PRB4: variants seen among roughly 807,000 people sequenced by gnomAD.
PRB4 encodes the protein basic salivary proline-rich protein 4.
PRB4 carries 14 observed loss-of-function variants against 9.1 expected under a neutral mutation model. The ratio of observed to expected loss-of-function variants is 1.54; its 90% CI spans 1.02 to 2.41. The LOEUF (loss-of-function observed/expected upper bound fraction) is 2.41, where lower values mean the gene tolerates loss of function less well. Ranked by LOEUF, PRB4 falls within the 30% of genes most tolerant of loss-of-function variation. PRB4 has a pLI of 0.00. For synonymous variants in PRB4, 102 were observed against 108.5 expected (o/e 0.94, Z 0.37); for missense variants, 381 against 299.3 (o/e 1.27, Z -2.02).
chr12:11,309,865 G>A (rs568369502), intron 1 of PRB4, among the ~76,000 whole-genome samples: 11 of 152,206 alleles, frequency 7.2e-5, no homozygotes, highest in African/African-American at 2.6e-4. Context: ...TGTAATGATT[G>A]GCTCTGATAT....
chr12:11,307,287 AG>A (rs1862935654), intron 3 of PRB4, 88 bp from the exon 4 acceptor site: 1 of 152,650 alleles, frequency 6.6e-6, no homozygotes, highest in African/African-American at 2.4e-5. Context: ...TAGAAGATGA[AG>A]AGAAAAGACC....
chr12:11,310,158 A>G (rs1456821713), intron 1 of PRB4, among the ~76,000 whole-genome samples, 177 bp downstream of exon 1: 1 of 152,218 alleles, frequency 6.6e-6, no homozygotes, highest in Non-Finnish European at 1.5e-5. Flanking sequence ...ATTTCATTGT[A>G]CATTAAATAA....
chr12:11,309,396 T>A lies in PRB4; in HGVS notation c.74A>T (p.Gln25Leu). 6.2e-7 allele frequency: 1 copy of A among 1,614,176 alleles called. No individual in the cohort carries two copies. Among genetic ancestry groups the A allele is most frequent in the South Asian group, 1.1e-5 (1 of 91,080 alleles). ...TGATATTAGGAAGAGAGATTCTTCCTGGCTGACATCTAGAAGAGAAGCACA... is the reference window on the plus strand; with the variant it reads ...TGATATTAGGAAGAGAGATTCTTCCAGGCTGACATCTAGAAGAGAAGCACA... ...SAESSSEDVSQEESLFLISGK... is the reference protein window; with the variant it reads ...SAESSSEDVSLEESLFLISGK... Residue 25 changes from glutamine to leucine, a missense_variant, in exon 2 of 4, where the codon CAG becomes CTG. By Grantham distance (113) the Gln-to-Leu change is moderately radical. This residue lies in a region of PRB4 where 151 missense variants were observed against 105.8 expected (regional missense o/e 1.43). Transcript: ENST00000279575.
chr12:11,308,945 G>T (rs879076075), intron 2 of PRB4, 63 bp from the exon 3 acceptor site: 8 of 1,572,718 alleles, frequency 5.1e-6, no homozygotes, highest in Admixed American at 5.0e-5. Flanking sequence ...TACAGTAATG[G>T]AGCTAAATGG....
Position 11,308,842 on chromosome 12 carries a change from G to T in PRB4, c.141C>A (p.Pro47=). 4 of 1,589,898 alleles carry T rather than the reference G, an allele frequency of 2.5e-6. No homozygotes were observed. The highest frequency in any genetic ancestry group is 3.4e-6 in the Non-Finnish European group (4 of 1,164,710). The change falls in exon 3 of 4, where the codon CCC becomes CCA. Residue 47 remains proline, a synonymous_variant. Coordinates refer to ENST00000279575, the MANE Select transcript of PRB4 (RefSeq NM_002723.6). ...TTCCTGGAGGAGGTGGGGGACGTTGGGGCTGGTTTCCTCCTTGTGGGCGTC... is the reference window on the plus strand; with the variant it reads ...TTCCTGGAGGAGGTGGGGGACGTTGTGGCTGGTTTCCTCCTTGTGGGCGTC... ...EGRRPQGGNQ[P]QRPPPPPGKP...
In PRB4 at chr12:11,308,310, G is replaced by A. The variant is rs778133649; in HGVS notation, c.673C>T (p.Gln225Ter). 2 of 1,610,362 alleles carry A rather than the reference G, an allele frequency of 1.2e-6. No individual in the cohort carries two copies. The highest frequency in any genetic ancestry group is 1.7e-6 in the Non-Finnish European group (2 of 1,178,034). Residue 225 changes from glutamine (Q) to a stop codon, truncating the protein, a stop_gained, in exon 3 of 4, where the codon CAG becomes TAG. Coordinates refer to ENST00000279575, the MANE Select transcript of PRB4 (RefSeq NM_002723.6). LOFTEE classifies it low-confidence loss of function (END_TRUNC). ...QPQAPPAGKP[Q>*]GPPPPPQGGR... ...CCTTGAGGAGGTGGAGGTGGCCCCT[G>A]GGGCTTTCCAGCAGGAGGTGCCTGA...
intron 1 of PRB4, among the ~76,000 whole-genome samples, chr12:11,310,093 T>C (rs992226066): frequency 6.6e-6 from 1 of 152,168 alleles, no homozygotes; most frequent in Non-Finnish European, 1.5e-5. Flanking sequence ...CACAGTTCTA[T>C]CTCTATAAAT....
chr12:11,309,002 C>T, intron 2 of PRB4, 120 bp from the exon 3 acceptor site: 2 of 1,430,780 alleles, frequency 1.4e-6, no homozygotes, highest in Non-Finnish European at 9.8e-7. Context: ...TTTGCATTTT[C>T]AGTGAAGCCC....
intron 2 of PRB4, 38 bp downstream of exon 2, chr12:11,309,332 A>T: frequency 6.2e-7 from 1 of 1,613,566 alleles, no homozygotes; most frequent in Non-Finnish European, 8.5e-7. Context: ...AAGCAGAAAA[A>T]GGGAGTCAAA....
chr12:11,307,485 A>C (rs1363317930), intron 3 of PRB4, among the ~76,000 whole-genome samples: 1 of 152,228 alleles, frequency 6.6e-6, no homozygotes, highest in Non-Finnish European at 1.5e-5. Context: ...AAAAGCAAAC[A>C]GAAAACCACT....
At chr12:11,310,296 C>G in intron 1 of PRB4, 39 bp downstream of exon 1, 1 of 1,612,252 alleles carries the variant, frequency 6.2e-7, no homozygotes, top group South Asian at 1.1e-5. Flanking sequence ...CCTCCTAAGT[C>G]CCAAGCAGTC....
intron 2 of PRB4, 96 bp downstream of exon 2, chr12:11,309,274 T>C: frequency 6.3e-7 from 1 of 1,595,278 alleles, no homozygotes; most frequent in South Asian, 1.1e-5. Flanking sequence ...AATCAATTCC[T>C]GAAAGGAAAG....
chr12:11,309,545 GC>G, intron 1 of PRB4, 140 bp from the exon 2 acceptor site: 1 of 1,524,094 alleles, frequency 6.6e-7, no homozygotes, highest in Non-Finnish European at 9.0e-7. Context: ...CTGTGAAGGT[GC>G]TGGAAGGGGT....
chr12:11,309,502 A>T, intron 1 of PRB4, 97 bp from the exon 2 acceptor site: 3 of 1,604,558 alleles, frequency 1.9e-6, no homozygotes, highest in Non-Finnish European at 2.6e-6. Context: ...ACCACACCCC[A>T]TGCATCCCCT....
rs766516220 is a variant in PRB4 at position 11,308,481 on chromosome 12, G to T, written c.502C>A (p.Gln168Lys). 1 of 1,613,676 alleles carries T rather than the reference G, an allele frequency of 6.2e-7. No individual in the cohort carries two copies. Among genetic ancestry groups the T allele is most frequent in the East Asian group, 2.2e-5 (1 of 44,842 alleles). Residue 168 changes from glutamine to lysine, a missense_variant, in exon 3 of 4, where the codon CAG (glutamine) becomes AAG (lysine). Gln to Lys is a moderately conservative substitution (Grantham distance 53). Around this residue, in one of 3 missense-constraint regions of PRB4, gnomAD observed 204 missense variants for 134.4 expected, o/e 1.52. Coordinates refer to ENST00000279575, the MANE Select transcript of PRB4 (RefSeq NM_002723.6). ...GCACTTCGGGACTTGTTTCCTTCCT[G>T]TGGGGGTGGTCCTTCTGGCTTTCCT... ...HPGKPEGPPP[Q>K]EGNKSRSARS...
chr12:11,308,910 T>C (rs751483958), intron 2 of PRB4, 28 bp from the exon 3 acceptor site: 29 of 1,613,600 alleles, frequency 1.8e-5, no homozygotes, highest in African/African-American at 4.0e-5. Flanking sequence ...CATACGGCAT[T>C]CACTGAATAG....
chr12:11,309,532 C>A lies in PRB4; in HGVS notation c.65-127G>T, dbSNP rs1017090699. ...TCCCCTAGGTTAACTCATCAGCCAC[C>A]ATCTGTGAAGGTGCTGGAAGGGGTG... is the stretch of plus-strand genomic sequence containing the variant. On this transcript the variant is annotated intron_variant, in intron 1 of 3. Coordinates refer to ENST00000279575, the MANE Select transcript of PRB4 (RefSeq NM_002723.6). 2.6e-6 allele frequency: 4 copies of A among 1,565,430 alleles called. No individual in the cohort carries two copies. In the African/African-American group the frequency reaches 4.0e-5, roughly 16 times the overall value.
rs1862928027 is a variant in PRB4, at chr12:11,307,086, A to G, written c.*132T>C. The G allele has an allele frequency of 6.5e-6, 1 of 154,590 alleles. No homozygotes were observed. The highest frequency in any genetic ancestry group is 2.4e-5 in the African/African-American group (1 of 41,522). 9.6% of individuals were successfully genotyped at this position (154,590 alleles called of 1,614,324 possible). ...AAGAACACCACAATCAGAAATTGCAAGCTGATTATTTTATTGGTATATTAA... is the reference window on the plus strand; with the variant it reads ...AAGAACACCACAATCAGAAATTGCAGGCTGATTATTTTATTGGTATATTAA... On this transcript the variant is annotated 3_prime_UTR_variant, in exon 4 of 4. Transcript: ENST00000279575.
intron 1 of PRB4, 88 bp downstream of exon 1, chr12:11,310,247 G>C: frequency 6.5e-7 from 1 of 1,547,976 alleles, no homozygotes; most frequent in Non-Finnish European, 8.9e-7. Context: ...CCCCATCTGT[G>C]TTTTCATTCT....
Sources: gnomAD v4.1 joint callset for allele counts (sites outside exome capture counted in the v4.1 genomes callset) on GRCh38, gnomAD v4.1.1 for gene constraint, gnomAD v4.1.1 regional missense constraint, MANE v1.5 for transcripts, NCBI Gene and HGNC (gene_info 2026-07-23, HGNC 2026-07-21) for gene names.